Variants in PDE8A observed in about 807,000 individuals in gnomAD.
The protein encoded by PDE8A is phosphodiesterase 8A.
In PDE8A, 59 loss-of-function variants were observed where a neutral mutation model predicts 105.0. The ratio of observed to expected loss-of-function variants is 0.56; its 90% CI spans 0.46 to 0.70. The LOEUF (loss-of-function observed/expected upper bound fraction) is 0.70. PDE8A is among the 30% of genes least tolerant of loss of function. The pLI is 0.00. For missense variants in PDE8A, 1,014 were observed against 1,045.9 expected (o/e 0.97, Z 0.42); for synonymous variants, 355 against 371.9 (o/e 0.95, Z 0.52).
intron 17 of PDE8A, chr15:85,120,349 T>G (rs1020537897): frequency 3.9e-5 from 6 of 152,340 alleles, no homozygotes; most frequent in African/African-American, 1.4e-4. Flanking sequence ...CTCACAAAAC[T>G]CTGACATCAA....
chr15:85,070,441 G>A (rs1366418928), intron 3 of PDE8A, among the ~76,000 whole-genome samples: 1 of 152,220 alleles, frequency 6.6e-6, no homozygotes, highest in Admixed American at 6.5e-5. Context: ...GGGAAAGTGA[G>A]TGATTTCGGT....
chr15:85,039,203 A>G (rs1473463045), intron 1 of PDE8A, among the ~76,000 whole-genome samples: 1 of 151,970 alleles, frequency 6.6e-6, no homozygotes, highest in African/African-American at 2.4e-5. Context: ...AGACGGGAGG[A>G]TCGCTTGAGC....
chr15:85,035,043 C>T (rs1044335526), intron 1 of PDE8A, among the ~76,000 whole-genome samples: 4 of 152,018 alleles, frequency 2.6e-5, no homozygotes, highest in Non-Finnish European at 5.9e-5. Context: ...CCTGACATAC[C>T]AATAAATATA....
intron 6 of PDE8A, 25 bp from the exon 7 acceptor site, chr15:85,089,313 T>C (rs2081602956): frequency 8.4e-7 from 1 of 1,192,406 alleles, no homozygotes; most frequent in African/African-American, 1.5e-5. Flanking sequence ...ACATTAATCA[T>C]TCCTTTTTTT....
intron 1 of PDE8A, among the ~76,000 whole-genome samples, chr15:85,058,414 C>T (rs1216144927): frequency 6.6e-6 from 1 of 152,074 alleles, no homozygotes; most frequent in Non-Finnish European, 1.5e-5. Flanking sequence ...GTAATACTGG[C>T]GTCATAGAAT....
At chr15:85,120,706 C>G in intron 17 of PDE8A, 91 bp from the exon 18 acceptor site, 1 of 760,668 alleles carries the variant, frequency 1.3e-6, no homozygotes, top group Non-Finnish European at 2.2e-6. Context: ...ATATTCTTAC[C>G]TGAAAGTAAT....
At chr15:85,004,626 A>G (rs978357488) in intron 1 of PDE8A, among the ~76,000 whole-genome samples, 1 of 152,184 alleles carries the variant, frequency 6.6e-6, no homozygotes, top group Non-Finnish European at 1.5e-5. Context: ...ACTTGCAACC[A>G]CAAGCATCCT....
chr15:85,122,582 C>T (rs898887320), intron 18 of PDE8A, among the ~76,000 whole-genome samples: 2 of 152,198 alleles, frequency 1.3e-5, no homozygotes, highest in African/African-American at 4.8e-5. Context: ...GTTTCATATT[C>T]ATACCCCTTC....
intron 1 of PDE8A, among the ~76,000 whole-genome samples, chr15:85,033,885 A>G (rs889165529): frequency 6.6e-6 from 1 of 152,168 alleles, no homozygotes; most frequent in Non-Finnish European, 1.5e-5. Flanking sequence ...AAACAAAAAC[A>G]CAAAAATTCC....
chr15:85,016,090 C>T (rs1415264751), intron 1 of PDE8A, among the ~76,000 whole-genome samples: 4 of 152,056 alleles, frequency 2.6e-5, no homozygotes, highest in Non-Finnish European at 2.9e-5. Context: ...GAGCTGAGGT[C>T]GCGCCACTCA....
rs138345300 is a variant in PDE8A, at chr15:85,137,436, C to T, written c.2384-361C>T. ...AGCATGCGTGAAGGGACAGTGAGCACACAAGGGCCAGGCCATCGGTTGGGG... is the reference window on the plus strand; with the variant it reads ...AGCATGCGTGAAGGGACAGTGAGCATACAAGGGCCAGGCCATCGGTTGGGG... On this transcript the variant is annotated intron_variant, in intron 21 of 21. Transcript: ENST00000394553. Among the ~76,000 whole-genome samples the T allele has an allele frequency of 2.9e-3, 432 of 151,316 alleles. 3 individuals carry two copies. The highest frequency in any genetic ancestry group is 9.9e-3 in the African/African-American group (407 of 41,020).
rs201067737 is a variant in PDE8A, at chr15:84,993,718, T to TA, written c.186+11379dup. On this transcript the variant is annotated intron_variant, in intron 1 of 21. Coordinates refer to ENST00000394553, the MANE Select transcript of PDE8A (RefSeq NM_002605.3). ...AACATAGTAAGACCCCCATTCTCTA[T>TA]AAAAAAAAATAATAATAAATAAATT... 5.8e-3 allele frequency among the ~76,000 whole-genome samples: 848 copies of TA among 147,144 alleles called. 6 individuals are homozygous for TA. The highest frequency in any genetic ancestry group is 9.2e-3 in the Non-Finnish European group (604 of 65,866).
At chr15:85,053,155 G>C (rs2081003547) in intron 1 of PDE8A, among the ~76,000 whole-genome samples, 1 of 152,008 alleles carries the variant, frequency 6.6e-6, no homozygotes, top group Non-Finnish European at 1.5e-5. Context: ...ATTTCTGAGG[G>C]CTCTGTTCTG....
intron 1 of PDE8A, among the ~76,000 whole-genome samples, chr15:85,046,251 G>C (rs1385676971): frequency 6.6e-6 from 1 of 151,992 alleles, no homozygotes; most frequent in Non-Finnish European, 1.5e-5. Flanking sequence ...GTTTTACTAT[G>C]TTGGCTAGGC....
chr15:85,110,864 G>T (rs1450810192), intron 12 of PDE8A, among the ~76,000 whole-genome samples: 1 of 152,142 alleles, frequency 6.6e-6, no homozygotes, highest in Non-Finnish European at 1.5e-5. Flanking sequence ...CCAACATATG[G>T]CACCATGTTA....
At chr15:85,047,193 A>G (rs1195360106) in intron 1 of PDE8A, among the ~76,000 whole-genome samples, 1 of 152,226 alleles carries the variant, frequency 6.6e-6, no homozygotes, top group Non-Finnish European at 1.5e-5. Context: ...GTGAAAAATA[A>G]ATTATTATTA....
At chr15:85,067,738 A>G (rs2081251635) in intron 3 of PDE8A, among the ~76,000 whole-genome samples, 1 of 152,194 alleles carries the variant, frequency 6.6e-6, no homozygotes, top group African/African-American at 2.4e-5. Context: ...TTGACTTTTA[A>G]GAGAGAGAAA....
chr15:85,034,264 G>A (rs2080666090), intron 1 of PDE8A, among the ~76,000 whole-genome samples: 1 of 152,134 alleles, frequency 6.6e-6, no homozygotes, highest in African/African-American at 2.4e-5. Flanking sequence ...AACAACAAAT[G>A]CATTTTTCTA....
At position 85,039,667 on chromosome 15, in the gene PDE8A, G is replaced by A. The variant is rs377180165; in HGVS notation, c.187-24703G>A. Reference sequence around the variant, plus strand: ...GATGTCTGTCTGTACTCCTGTGTTCGTTGCAGTTTTATTCACAACAGCCAA... The same window carrying A: ...GATGTCTGTCTGTACTCCTGTGTTCATTGCAGTTTTATTCACAACAGCCAA... On this transcript the variant is annotated intron_variant, in intron 1 of 21. Transcript: ENST00000394553. Among the ~76,000 whole-genome samples, 3 of 152,290 alleles carry A rather than the reference G, an allele frequency of 2.0e-5. No individual in the cohort carries two copies. The South Asian group carries it at 6.2e-4, about 32-fold the overall frequency.
Sources: allele counts gnomAD v4.1 joint callset (sites outside exome capture counted in the v4.1 genomes callset), GRCh38; gene constraint gnomAD v4.1.1; transcripts MANE v1.5; gene names NCBI Gene and HGNC (gene_info 2026-07-23, HGNC 2026-07-21).